The following MICAL3 variants were observed in gnomAD, a reference collection of about 807,000 sequenced individuals.
The protein encoded by MICAL3 is [F-actin]-monooxygenase MICAL3.
A neutral mutation model predicts 207.4 loss-of-function variants in MICAL3; 62 were observed. The observed-to-expected ratio is 0.30, with a 90% CI of 0.24 to 0.37. The LOEUF (loss-of-function observed/expected upper bound fraction) is 0.37, where lower values mean the gene tolerates loss of function less well. MICAL3 is among the 10% of genes least tolerant of loss of function. The pLI is 1.00. For synonymous variants in MICAL3, 1,077 were observed against 1,069.3 expected, an observed-to-expected ratio of 1.01 and a Z score of -0.14; for missense variants, 2,368 against 2,635.6, an observed-to-expected ratio of 0.90 and a Z score of 2.22.
At chr22:17,791,480 C>T in intron 29 of MICAL3, 179 bp from the exon 30 acceptor site, 1 of 617,482 alleles carries the variant, frequency 1.6e-6, no homozygotes, top group South Asian at 1.9e-5. Context: ...TTCCTGGGGC[C>T]TGCGCTTTCC....
intron 1 of MICAL3, among the ~76,000 whole-genome samples, chr22:17,984,527 C>T (rs1158099233): frequency 3.3e-5 from 5 of 152,084 alleles, no homozygotes. Flanking sequence ...GACGCCTTCC[C>T]AGACCTCCCC....
At chr22:17,800,677 A>C (rs772113616) in intron 29 of MICAL3, among the ~76,000 whole-genome samples, 2 of 151,992 alleles carry the variant, frequency 1.3e-5, no homozygotes, top group Non-Finnish European at 2.9e-5. Flanking sequence ...GGCTGCTTGG[A>C]GCTTTGCTCT....
intron 27 of MICAL3, chr22:17,815,490 T>C (rs906000677): frequency 6.6e-6 from 1 of 152,270 alleles, no homozygotes; most frequent in East Asian, 1.9e-4. Context: ...GGGACCCACA[T>C]AGAAACCCAG....
In MICAL3 at chr22:17,817,985, G is replaced by C. The variant is rs531896195; in HGVS notation, c.4676C>G (p.Pro1559Arg). Reference protein sequence around the residue: ...CWPRPEKPRHPPLAKENGRLP... With the variant: ...CWPRPEKPRHRPLAKENGRLP... The stretch of plus-strand genomic sequence containing the variant: ...CCTCCCGTTCTCCTTGGCCAGGGGC[G>C]GGTGGCGAGGCTTCTCGGGGCGCGG... The change falls in exon 26 of 32, where the codon CCG becomes CGG. Residue 1559 changes from proline to arginine, a missense_variant. Coordinates refer to ENST00000441493, the MANE Select transcript of MICAL3 (RefSeq NM_015241.3). 13 of 1,612,226 alleles carry C rather than the reference G, an allele frequency of 8.1e-6. No homozygotes were observed. In the African/African-American group the frequency reaches 1.5e-4, roughly 18 times the overall value.
At chr22:17,985,580 C>G (rs1052047433) in intron 1 of MICAL3, among the ~76,000 whole-genome samples, 1 of 152,052 alleles carries the variant, frequency 6.6e-6, no homozygotes, top group Non-Finnish European at 1.5e-5. Context: ...GTAAATGGCG[C>G]TTGTATTCTG....
chr22:17,791,678 C>T (rs909567874), intron 29 of MICAL3: 5 of 229,060 alleles, frequency 2.2e-5, no homozygotes, highest in East Asian at 1.1e-4. Flanking sequence ...GGAGGAAACC[C>T]GTCTTGTTAA....
intron 1 of MICAL3, among the ~76,000 whole-genome samples, chr22:17,982,393 T>C (rs575337645): frequency 3.9e-5 from 6 of 152,378 alleles, no homozygotes; most frequent in Non-Finnish European, 7.3e-5. Context: ...AAATGTTTTC[T>C]TGGCCAGGCA....
chr22:17,812,482 C>T, intron 27 of MICAL3: 1 of 984,676 alleles, frequency 1.0e-6, no homozygotes, highest in African/African-American at 1.7e-5. Flanking sequence ...GCAACGGTGA[C>T]CAGCTGACAG....
At chr22:17,908,088 T>C (rs957779405) in intron 1 of MICAL3, among the ~76,000 whole-genome samples, 1 of 151,974 alleles carries the variant, frequency 6.6e-6, no homozygotes, top group African/African-American at 2.4e-5. Context: ...ACCTCACCAC[T>C]GGAACTGTAT....
rs376351943 is a variant in MICAL3 at position 17,808,860 on chromosome 22, C to T, written c.5634G>A (p.Ala1878=). The change falls in exon 29 of 32, where the codon GCG becomes GCA. Residue 1878 remains alanine (A), a synonymous_variant. Coordinates refer to ENST00000441493, the MANE Select transcript of MICAL3 (RefSeq NM_015241.3). ...LEERGVAVEK[A]LRGEAGMGKK... ...CGGCAGTACCTGCTTCGCCCCGGAG[C>T]GCCTTCTCCACAGCCACGCCCCTTT... 8.8e-5 allele frequency: 137 copies of T among 1,552,852 alleles called. 1 individual carries two copies. The South Asian group carries it at 9.9e-4, about 11-fold the overall frequency.
chr22:17,861,531 G>T, intron 19 of MICAL3: 2 of 985,408 alleles, frequency 2.0e-6, no homozygotes, highest in Non-Finnish European at 2.4e-6. Context: ...ATAAAAAGAG[G>T]ATTCCTCTGG....
intron 16 of MICAL3, among the ~76,000 whole-genome samples, chr22:17,877,376 GAGGGAGGTTATGGAGGTTAGGGAGGTT>G (rs1928826372): frequency 1.0e-4 from 3 of 29,550 alleles, no homozygotes; most frequent in Non-Finnish European, 1.9e-4. Flanking sequence ...TTAGGGAGGT[GAGGGAGGTTATGGAGGTTAGGGAGGTT>G]AGGGAAGTTA....
At position 17,961,922 on chromosome 22, in the gene MICAL3, C is replaced by G. The variant is rs550969056; in HGVS notation, c.-74-55036G>C. Among the ~76,000 whole-genome samples the G allele has an allele frequency of 2.6e-5, 4 of 152,330 alleles. No homozygotes were observed. The East Asian group carries it at 7.7e-4, about 29-fold the overall frequency. On this transcript the variant is annotated intron_variant, in intron 1 of 31. Coordinates refer to ENST00000441493, the MANE Select transcript of MICAL3 (RefSeq NM_015241.3). ...GGCTGTGCAGTATCACAAGATCAGC[C>G]TTTGAAAATATCTGTTTGGGGTTTC...
chr22:17,899,349 T>A, intron 7 of MICAL3, 99 bp downstream of exon 7: 1 of 832,342 alleles, frequency 1.2e-6, no homozygotes, highest in Non-Finnish European at 2.0e-6. Flanking sequence ...CAGTGCTCAT[T>A]TTCATTCCCT....
At chr22:17,836,860 T>C (rs1283006420) in intron 20 of MICAL3, among the ~76,000 whole-genome samples, 2 of 152,164 alleles carry the variant, frequency 1.3e-5, no homozygotes, top group Admixed American at 1.3e-4. Flanking sequence ...TTAGCCAGGA[T>C]GGTCTCCATC....
intron 29 of MICAL3, among the ~76,000 whole-genome samples, chr22:17,799,848 G>T (rs2061918271): frequency 6.6e-6 from 1 of 151,260 alleles, no homozygotes; most frequent in African/African-American, 2.5e-5. Flanking sequence ...TCCAGGTTGG[G>T]AGGAAAAGTG....
At chr22:17,918,854 G>C (rs34740481) in intron 1 of MICAL3, among the ~76,000 whole-genome samples, 32,972 of 152,094 alleles carry the variant, frequency 0.22, 3,791 homozygotes, top group Middle Eastern at 0.28. Context: ...ATGGGCCGAG[G>C]ACTCTTCTAC....
chr22:17,938,918 T>G (rs764487949), intron 1 of MICAL3, among the ~76,000 whole-genome samples: 2 of 152,210 alleles, frequency 1.3e-5, no homozygotes, highest in African/African-American at 2.4e-5. Context: ...ATGTACAGTA[T>G]ACAAACTCCC....
intron 19 of MICAL3, chr22:17,858,529 G>A (rs1234719911): frequency 1.2e-5 from 12 of 961,390 alleles, no homozygotes; most frequent in East Asian, 2.3e-4. Context: ...TTTTTATCTC[G>A]GGGAGCACTT....
Sources: allele counts gnomAD v4.1 joint callset (sites outside exome capture counted in the v4.1 genomes callset), GRCh38; gene constraint gnomAD v4.1.1; transcripts MANE v1.5; gene names NCBI Gene and HGNC (gene_info 2026-07-23, HGNC 2026-07-21).